GRK5: variants seen among roughly 807,000 people sequenced by gnomAD.
The protein encoded by GRK5 is g protein-coupled receptor kinase GRK5.
A neutral mutation model predicts 78.4 loss-of-function variants in GRK5; 40 were observed. The observed-to-expected ratio is 0.51, with a 90% CI of 0.40 to 0.66. The LOEUF (loss-of-function observed/expected upper bound fraction) is 0.66. GRK5 is among the 30% of genes least tolerant of loss of function. The pLI is 0.00. For missense variants in GRK5, 598 were observed against 759.9 expected (o/e 0.79, Z 2.50); for synonymous variants, 289 against 296.8 (o/e 0.97, Z 0.27).
At chr10:119,318,963 T>C (rs1850537501) in intron 1 of GRK5, among the ~76,000 whole-genome samples, 1 of 152,116 alleles carries the variant, frequency 6.6e-6, no homozygotes, top group South Asian at 2.1e-4. Context: ...AAGAAACGCT[T>C]TAGTCTCTCA....
At chr10:119,355,160 A>G (rs1851246633) in intron 2 of GRK5, among the ~76,000 whole-genome samples, 1 of 152,272 alleles carries the variant, frequency 6.6e-6, no homozygotes. Context: ...TTCAGTGCAG[A>G]CACAACAATC....
Position 119,457,125 on chromosome 10 carries a change from A to G in GRK5, c.*2058A>G, listed in dbSNP as rs1853411850. The G allele has an allele frequency of 6.6e-6, 1 of 152,132 alleles. No individual in the cohort carries two copies. The highest frequency in any genetic ancestry group is 1.5e-5 in the Non-Finnish European group (1 of 68,020). 9.4% of individuals were successfully genotyped at this position (152,132 alleles called of 1,614,324 possible). On this transcript the variant is annotated 3_prime_UTR_variant, in exon 16 of 16. Coordinates refer to ENST00000392870, the MANE Select transcript of GRK5 (RefSeq NM_005308.3). ...AAAACTCTTTGAATGGTATCTTAAG[A>G]TCCTTAAGCTCTTGCTGAACTTCCT...
chr10:119,418,868 C>T (rs1276348196), intron 4 of GRK5, among the ~76,000 whole-genome samples: 1 of 152,132 alleles, frequency 6.6e-6, no homozygotes, highest in African/African-American at 2.4e-5. Context: ...ACCTGGCTGC[C>T]TTCACCTCTG....
chr10:119,228,377 G>A (rs1035630960), intron 1 of GRK5, among the ~76,000 whole-genome samples: 3 of 143,678 alleles, frequency 2.1e-5, no homozygotes, highest in Non-Finnish European at 3.0e-5. Flanking sequence ...AAACCAACCC[G>A]CCCCCCCGCA....
At chr10:119,410,050 C>T (rs1031230819) in intron 4 of GRK5, among the ~76,000 whole-genome samples, 4 of 152,272 alleles carry the variant, frequency 2.6e-5, no homozygotes, top group South Asian at 2.1e-4. Flanking sequence ...CGAGCCCCCG[C>T]GTGCGCGGCC....
At chr10:119,223,291 T>A (rs932930212) in intron 1 of GRK5, among the ~76,000 whole-genome samples, 1 of 152,178 alleles carries the variant, frequency 6.6e-6, no homozygotes, top group African/African-American at 2.4e-5. Context: ...TTAACTTGAT[T>A]ACCTCCATAA....
intron 1 of GRK5, among the ~76,000 whole-genome samples, chr10:119,266,124 C>G (rs1849492213): frequency 6.6e-6 from 1 of 152,162 alleles, no homozygotes; most frequent in Admixed American, 6.5e-5. Flanking sequence ...AGCTGCAGGC[C>G]TGGACTGTGC....
chr10:119,306,994 G>T (rs1024540094), intron 1 of GRK5, among the ~76,000 whole-genome samples: 1 of 152,142 alleles, frequency 6.6e-6, no homozygotes, highest in African/African-American at 2.4e-5. Context: ...TCAGTGAGGA[G>T]CAGGCGTGGG....
At chr10:119,258,434 G>A (rs1392988250) in intron 1 of GRK5, among the ~76,000 whole-genome samples, 1 of 152,134 alleles carries the variant, frequency 6.6e-6, no homozygotes, top group African/African-American at 2.4e-5. Flanking sequence ...TTTTCACTTG[G>A]GTAAATATGT....
At chr10:119,368,351 T>C (rs992426404) in intron 2 of GRK5, among the ~76,000 whole-genome samples, 4 of 152,064 alleles carry the variant, frequency 2.6e-5, no homozygotes, top group Admixed American at 2.6e-4. Flanking sequence ...CCAGCCGTAT[T>C]GCCACGTCGC....
At chr10:119,261,460 G>A (rs1330482735) in intron 1 of GRK5, among the ~76,000 whole-genome samples, 45 of 151,496 alleles carry the variant, frequency 3.0e-4, no homozygotes, top group African/African-American at 9.7e-4. Flanking sequence ...GACGATGGGC[G>A]GCCAGGCAGA....
At chr10:119,216,728 G>A (rs1367844273) in intron 1 of GRK5, among the ~76,000 whole-genome samples, 1 of 152,094 alleles carries the variant, frequency 6.6e-6, no homozygotes, top group Non-Finnish European at 1.5e-5. Context: ...CAAGGTGTGT[G>A]GATCACTTGC....
chr10:119,440,064 C>A (rs1182735160), intron 10 of GRK5, among the ~76,000 whole-genome samples: 1 of 152,168 alleles, frequency 6.6e-6, no homozygotes, highest in African/African-American at 2.4e-5. Flanking sequence ...GTGCACTGAA[C>A]AAGGAGTCCA....
chr10:119,441,332 A>G (rs1589812452), intron 10 of GRK5, among the ~76,000 whole-genome samples: 1 of 152,064 alleles, frequency 6.6e-6, no homozygotes, highest in African/African-American at 2.4e-5. Flanking sequence ...ATAGGCAGGG[A>G]AGGGAAGGGG....
chr10:119,442,230 C>A, intron 11 of GRK5, 142 bp downstream of exon 11: 1 of 740,522 alleles, frequency 1.4e-6, no homozygotes, highest in Non-Finnish European at 2.3e-6. Flanking sequence ...CTCTGCAGGG[C>A]TGCTGGGGGG....
chr10:119,315,881 C>A (rs1310052042), intron 1 of GRK5, among the ~76,000 whole-genome samples: 2 of 152,130 alleles, frequency 1.3e-5, no homozygotes, highest in Non-Finnish European at 2.9e-5. Flanking sequence ...TCCTTCCTCC[C>A]CCTCCAAATT....
intron 3 of GRK5, among the ~76,000 whole-genome samples, chr10:119,396,337 G>A (rs779518563): frequency 6.6e-6 from 1 of 152,232 alleles, no homozygotes; most frequent in African/African-American, 2.4e-5. Context: ...TAAGTCAGTG[G>A]TCTTCAACCC....
rs546928941 is a variant in GRK5, at chr10:119,290,209, T to G, written c.53-36307T>G. 6.1e-3 allele frequency among the ~76,000 whole-genome samples: 925 copies of G among 151,958 alleles called. 7 individuals carry two copies. The highest frequency in any genetic ancestry group is 7.1e-3 in the Non-Finnish European group (485 of 67,944). On this transcript the variant is annotated intron_variant, in intron 1 of 15. Coordinates refer to ENST00000392870, the MANE Select transcript of GRK5 (RefSeq NM_005308.3). ...TAAAAATACAAAAATTAGCCAGGCA[T>G]GTTGGCGGGTGCCTGTAGTCCCGGT... is the stretch of plus-strand genomic sequence containing the variant.
In GRK5 at chr10:119,458,724, G is replaced by A. The variant is rs1257607220; in HGVS notation, c.*3657G>A. On this transcript the variant is annotated 3_prime_UTR_variant, in exon 16 of 16. Coordinates refer to ENST00000392870, the MANE Select transcript of GRK5 (RefSeq NM_005308.3). ...CTCCCTGAGGCCCGCAAGTCTCCAT[G>A]CGTCTCCCGGGAGCCTGGCCCCGCT... is the stretch of plus-strand genomic sequence containing the variant. The A allele has an allele frequency of 2.6e-5, 4 of 152,398 alleles. No individual in the cohort carries two copies. Among genetic ancestry groups the A allele is most frequent in the African/African-American group, 4.8e-5 (2 of 41,460 alleles). The allele number at this position is 152,398 out of a possible 1,614,324, so 9.4% of individuals were successfully genotyped here. A position where few individuals can be genotyped will look rare whatever the true frequency, so the allele number is the denominator to read the frequency against.
Sources: allele counts gnomAD v4.1 joint callset (sites outside exome capture counted in the v4.1 genomes callset), GRCh38; gene constraint gnomAD v4.1.1; transcripts MANE v1.5; gene names NCBI Gene and HGNC (gene_info 2026-07-23, HGNC 2026-07-21).